The following BNC2 variants were observed in gnomAD, a reference collection of about 807,000 sequenced individuals.
The protein encoded by BNC2 is basonuclin zinc finger protein 2, also known as zinc finger protein basonuclin-2.
Under a neutral mutation model 76.3 loss-of-function variants are expected in BNC2, and 20 were observed. The ratio of observed to expected loss-of-function variants is 0.26; its 90% CI spans 0.18 to 0.38. The LOEUF is 0.38. Ranked by LOEUF, BNC2 falls within the 10% of genes least tolerant of loss-of-function variation. The probability of loss-of-function intolerance (pLI) is 1.00; values close to 1 mark genes in which losing one functional copy is unlikely to be tolerated. For missense variants in BNC2, 1,382 were observed against 1,399.8 expected (o/e 0.99, Z 0.20); for synonymous variants, 582 against 514.8 (o/e 1.13, Z -1.77).
At chr9:16,682,756 G>A (rs1822862550) in intron 3 of BNC2, among the ~76,000 whole-genome samples, 1 of 152,152 alleles carries the variant, frequency 6.6e-6, no homozygotes, top group South Asian at 2.1e-4. Flanking sequence ...CACTTCAGTG[G>A]TGAAAAATAC....
At chr9:16,493,377 CA>C (rs1202428460) in intron 5 of BNC2, among the ~76,000 whole-genome samples, 1 of 152,020 alleles carries the variant, frequency 6.6e-6, no homozygotes, top group Non-Finnish European at 1.5e-5. Flanking sequence ...AATATTGATA[CA>C]AAAATGATTT....
rs1039741002 is a variant in BNC2 at position 16,465,931 on chromosome 9, C to A, written c.670-28407G>T. ...GACATGACTGTTTATCTAGAAAACC[C>A]CATCGTCTCAGCCCAAAATCTCCTT... is the stretch of plus-strand genomic sequence containing the variant. On this transcript the variant is annotated intron_variant, in intron 5 of 6. Transcript: ENST00000380672. 2.1e-5 allele frequency among the ~76,000 whole-genome samples: 3 copies of A among 146,262 alleles called. No homozygotes were observed. The Admixed American group carries it at 2.1e-4, about 10-fold the overall frequency.
At chr9:16,423,495 AG>A (rs1455460877) in intron 6 of BNC2, among the ~76,000 whole-genome samples, 6 of 152,230 alleles carry the variant, frequency 3.9e-5, no homozygotes, top group African/African-American at 1.4e-4. Context: ...TTCACTTTCA[AG>A]AACATAACTA....
intron 3 of BNC2, among the ~76,000 whole-genome samples, chr9:16,694,529 G>A (rs1332268870): frequency 6.6e-6 from 1 of 152,144 alleles, no homozygotes; most frequent in African/African-American, 2.4e-5. Flanking sequence ...CCTGAAGGAA[G>A]GCCACAGATG....
At chr9:16,474,371 G>A (rs1255169805) in intron 5 of BNC2, among the ~76,000 whole-genome samples, 1 of 152,208 alleles carries the variant, frequency 6.6e-6, no homozygotes, top group Non-Finnish European at 1.5e-5. Flanking sequence ...ATGAGGACCT[G>A]AATGAAGGGA....
chr9:16,518,360 G>A (rs1817501313), intron 5 of BNC2, among the ~76,000 whole-genome samples: 1 of 152,064 alleles, frequency 6.6e-6, no homozygotes, highest in Non-Finnish European at 1.5e-5. Context: ...CAAAAACCCA[G>A]GAGGTCAAGG....
intron 3 of BNC2, chr9:16,727,448 T>A (rs2282072): frequency 0.089 from 22,242 of 249,472 alleles, 1,373 homozygotes; most frequent in Admixed American, 0.2. Flanking sequence ...TGATTCATAT[T>A]GATAGATACA....
At chr9:16,668,394 G>T (rs745627372) in intron 3 of BNC2, among the ~76,000 whole-genome samples, 8 of 152,100 alleles carry the variant, frequency 5.3e-5, no homozygotes, top group Non-Finnish European at 1.0e-4. Flanking sequence ...TGACACTCTG[G>T]GCCTCACTTT....
rs1462780145 is a variant in BNC2, at chr9:16,582,896, C to CACACACACACACACACACACAA, written c.433+86_433+87insTTGTGTGTGTGTGTGTGTGTGT. The CACACACACACACACACACACAA allele has an allele frequency of 1.3e-5, 9 of 687,050 alleles. No homozygotes were observed. In the African/African-American group the frequency reaches 1.7e-4, roughly 13 times the overall value. The allele number at this position is 687,050 out of a possible 1,614,324, so 42.6% of individuals were successfully genotyped here. ...GGCCAGTGACTCCTCTAAACAGACA[C>CACACACACACACACACACACAA]ACACACACACACACACACACACACA... On this transcript the variant is annotated intron_variant, in intron 4 of 6. Transcript: ENST00000380672.
chr9:16,866,339 C>T (rs954160099), intron 1 of BNC2, among the ~76,000 whole-genome samples: 1 of 151,666 alleles, frequency 6.6e-6, no homozygotes, highest in Admixed American at 6.6e-5. Flanking sequence ...CTCTGGAATA[C>T]AGAAGTTGTA....
At chr9:16,845,657 C>T (rs901578407) in intron 1 of BNC2, among the ~76,000 whole-genome samples, 4 of 152,126 alleles carry the variant, frequency 2.6e-5, no homozygotes, top group African/African-American at 4.8e-5. Flanking sequence ...AGAGGCGGAG[C>T]TTGCAGTGAG....
chr9:16,778,838 C>T (rs879824143), intron 1 of BNC2, among the ~76,000 whole-genome samples: 2 of 152,166 alleles, frequency 1.3e-5, no homozygotes, highest in Non-Finnish European at 2.9e-5. Context: ...AATAGGAGGG[C>T]AGAGGAAGGG....
chr9:16,706,886 A>G (rs777361641), intron 3 of BNC2, among the ~76,000 whole-genome samples: 4 of 152,222 alleles, frequency 2.6e-5, no homozygotes, highest in Non-Finnish European at 4.4e-5. Flanking sequence ...CTGAAATCAA[A>G]TTGTCAGTTT....
intron 5 of BNC2, among the ~76,000 whole-genome samples, chr9:16,441,172 TC>T (rs1340362350): frequency 1.3e-5 from 2 of 152,150 alleles, no homozygotes; most frequent in Non-Finnish European, 2.9e-5. Flanking sequence ...AGTGTGGTGG[TC>T]CGTGCCTATA....
intron 5 of BNC2, among the ~76,000 whole-genome samples, chr9:16,497,405 G>A (rs1822412486): frequency 6.6e-6 from 1 of 152,166 alleles, no homozygotes; most frequent in South Asian, 2.1e-4. Flanking sequence ...ATCAGCAAAA[G>A]CAGAGACCAT....
intron 3 of BNC2, among the ~76,000 whole-genome samples, chr9:16,641,915 G>A (rs1246308498): frequency 6.6e-6 from 1 of 152,128 alleles, no homozygotes; most frequent in South Asian, 2.1e-4. Flanking sequence ...TTAATGGAAT[G>A]GCCATTTTTC....
At position 16,592,808 on chromosome 9, in the gene BNC2, G is replaced by T. The variant is rs182183241; in HGVS notation, c.331-9723C>A. 7.3e-3 allele frequency among the ~76,000 whole-genome samples: 1,118 copies of T among 152,194 alleles called. 7 individuals carry two copies. The highest frequency in any genetic ancestry group is 0.012 in the Non-Finnish European group (797 of 67,992). On this transcript the variant is annotated intron_variant, in intron 3 of 6. Coordinates refer to ENST00000380672, the MANE Select transcript of BNC2 (RefSeq NM_017637.6). The stretch of plus-strand genomic sequence containing the variant: ...GGAGACATAATGCAGCACATCTTTT[G>T]CCCAGTAGGTCTCCAATACACAAAT...
chr9:16,649,695 G>C (rs1286157264), intron 3 of BNC2, among the ~76,000 whole-genome samples: 1 of 152,066 alleles, frequency 6.6e-6, no homozygotes, highest in Non-Finnish European at 1.5e-5. Flanking sequence ...TAAGAGAAAG[G>C]CATCTATTTC....
chr9:16,580,564 A>T (rs182347055), intron 4 of BNC2, among the ~76,000 whole-genome samples: 58 of 152,264 alleles, frequency 3.8e-4, no homozygotes, highest in African/African-American at 1.4e-3. Flanking sequence ...GGAATAATTT[A>T]TGTTGTTCAA....
Sources: allele counts gnomAD v4.1 joint callset (sites outside exome capture counted in the v4.1 genomes callset), GRCh38; gene constraint gnomAD v4.1.1; transcripts MANE v1.5; gene names NCBI Gene and HGNC (gene_info 2026-07-23, HGNC 2026-07-21).